The following IL1RAPL2 variants were observed in gnomAD, a reference collection of about 807,000 sequenced individuals.
The protein encoded by IL1RAPL2 is X-linked interleukin-1 receptor accessory protein-like 2.
In IL1RAPL2, 3 loss-of-function variants were observed where a neutral mutation model predicts 44.1. The observed-to-expected ratio is 0.07, with a 90% confidence interval of 0.03 to 0.18. The LOEUF is 0.18. IL1RAPL2 is among the 10% of genes least tolerant of loss of function. The pLI is 1.00. For synonymous variants in IL1RAPL2, 181 were observed against 178.8 expected (o/e 1.01, Z -0.10); for missense variants, 391 against 496.4 (o/e 0.79, Z 2.02).
At chrX:104,721,112 A>G (rs1271572385) in intron 2 of IL1RAPL2, among the ~76,000 whole-genome samples, 1 of 111,547 alleles carries the variant, frequency 9.0e-6, no homozygotes, top group Non-Finnish European at 1.9e-5. Flanking sequence ...ACTGTGGGAG[A>G]CAGTGTGGCA....
At chrX:105,027,316 A>C (rs981142229) in intron 2 of IL1RAPL2, among the ~76,000 whole-genome samples, 1 of 111,566 alleles carries the variant, frequency 9.0e-6, no homozygotes, top group Non-Finnish European at 1.9e-5. Context: ...GCAAAAATGG[A>C]CAAATAGGAT....
At chrX:105,308,150 A>G (rs1173536002) in intron 5 of IL1RAPL2, among the ~76,000 whole-genome samples, 5 of 111,246 alleles carry the variant, frequency 4.5e-5, no homozygotes, top group African/African-American at 1.6e-4. Context: ...ACCACTGAAA[A>G]CATTCTAGTC....
chrX:104,663,726 A>G (rs915616073), intron 2 of IL1RAPL2, among the ~76,000 whole-genome samples: 1 of 105,723 alleles, frequency 9.5e-6, no homozygotes, highest in Admixed American at 1.1e-4. Context: ...TGGAAGTGAT[A>G]TAGGACAATG....
At chrX:104,949,440 TTA>T (rs1326785575) in intron 2 of IL1RAPL2, among the ~76,000 whole-genome samples, 1 of 108,044 alleles carries the variant, frequency 9.3e-6, no homozygotes, top group Non-Finnish European at 1.9e-5. Flanking sequence ...CTGATTTTAG[TTA>T]TTTCTTGCCT....
chrX:104,711,396 G>A lies in IL1RAPL2; in HGVS notation c.82+52401G>A, dbSNP rs1039270128. ...ACAGGGGTTGGGAAGAAGCAGTTCA[G>A]TATCATTTAATAAGGGGGAGAAACC... is the stretch of plus-strand genomic sequence containing the variant. On this transcript the variant is annotated intron_variant, in intron 2 of 10. Coordinates refer to ENST00000372582, the MANE Select transcript of IL1RAPL2 (RefSeq NM_017416.2). Among the ~76,000 whole-genome samples, 19 of 111,015 alleles carry A rather than the reference G, an allele frequency of 1.7e-4. No homozygotes were observed. The East Asian group carries it at 1.7e-3, about 10-fold the overall frequency.
chrX:104,950,618 G>A (rs1414941459), intron 2 of IL1RAPL2, among the ~76,000 whole-genome samples: 3 of 112,879 alleles, frequency 2.7e-5, no homozygotes, highest in African/African-American at 9.6e-5. Context: ...CTAGCAATGA[G>A]CGATACTCCG....
At chrX:105,073,379 A>AT (rs900617274) in intron 2 of IL1RAPL2, among the ~76,000 whole-genome samples, 1 of 103,304 alleles carries the variant, frequency 9.7e-6, no homozygotes, top group Non-Finnish European at 2.0e-5. Flanking sequence ...TGAACTCATC[A>AT]TTTTTTATGG....
intron 2 of IL1RAPL2, among the ~76,000 whole-genome samples, chrX:104,788,479 T>G (rs1159094487): frequency 8.9e-6 from 1 of 112,231 alleles, no homozygotes; most frequent in Non-Finnish European, 1.9e-5. Flanking sequence ...CAGCGTCAAT[T>G]ATATGCAAAG....
intron 5 of IL1RAPL2, among the ~76,000 whole-genome samples, chrX:105,414,676 T>C (rs2035720457): frequency 9.0e-6 from 1 of 111,517 alleles, no homozygotes; most frequent in South Asian, 3.8e-4. Flanking sequence ...AAAGCTCTCA[T>C]CCTTCCCTCT....
intron 2 of IL1RAPL2, among the ~76,000 whole-genome samples, chrX:104,915,726 A>C (rs1924401700): frequency 8.9e-6 from 1 of 111,760 alleles, no homozygotes. Flanking sequence ...TGTTTAATCC[A>C]TCTTGAGTTA....
chrX:104,907,314 T>G (rs757579342), intron 2 of IL1RAPL2, among the ~76,000 whole-genome samples: 7 of 111,612 alleles, frequency 6.3e-5, no homozygotes, highest in Admixed American at 2.9e-4. Context: ...CAGTTCTGCT[T>G]TGATTTCAGT....
At chrX:105,690,025 A>G (rs2038022043) in intron 6 of IL1RAPL2, among the ~76,000 whole-genome samples, 2 of 110,799 alleles carry the variant, frequency 1.8e-5, no homozygotes, top group Non-Finnish European at 3.8e-5. Context: ...CAATGAGATC[A>G]CTTGGACACG....
intron 2 of IL1RAPL2, among the ~76,000 whole-genome samples, chrX:105,174,492 C>T (rs1397448390): frequency 9.0e-6 from 1 of 111,649 alleles, no homozygotes; most frequent in Non-Finnish European, 1.9e-5. Flanking sequence ...GATGGTACCA[C>T]AGCTGGAGAG....
intron 5 of IL1RAPL2, among the ~76,000 whole-genome samples, chrX:105,297,831 G>T (rs963826817): frequency 1.9e-4 from 21 of 111,293 alleles, no homozygotes; most frequent in African/African-American, 6.8e-4. Flanking sequence ...GATCGCTCTG[G>T]CTGTTGTGTA....
chrX:104,635,665 A>C (rs1162624410), intron 1 of IL1RAPL2, among the ~76,000 whole-genome samples: 1 of 111,730 alleles, frequency 9.0e-6, no homozygotes, highest in Non-Finnish European at 1.9e-5. Context: ...TTTGTCATGT[A>C]GTTCTCGTTC....
At chrX:105,514,218 A>G (rs1402906103) in intron 6 of IL1RAPL2, among the ~76,000 whole-genome samples, 1 of 111,648 alleles carries the variant, frequency 9.0e-6, no homozygotes, top group Non-Finnish European at 1.9e-5. Flanking sequence ...CTAGATTACA[A>G]CCTGAAAAGC....
intron 6 of IL1RAPL2, among the ~76,000 whole-genome samples, chrX:105,607,635 C>CAAA (rs11377516): frequency 2.2e-3 from 35 of 15,721 alleles, no homozygotes; most frequent in African/African-American, 4.7e-3. Flanking sequence ...ATTCAGCAGA[C>CAAA]AAAAAAAAAA....
At chrX:104,748,334 T>C (rs1318471376) in intron 2 of IL1RAPL2, among the ~76,000 whole-genome samples, 1 of 111,903 alleles carries the variant, frequency 8.9e-6, no homozygotes, top group Non-Finnish European at 1.9e-5. Context: ...CTGTTCCAAA[T>C]ACATTTCTTG....
chrX:105,146,527 T>A (rs761241036), intron 2 of IL1RAPL2, among the ~76,000 whole-genome samples: 16 of 111,815 alleles, frequency 1.4e-4, no homozygotes, highest in Non-Finnish European at 2.8e-4. Context: ...GGCTTTCTAG[T>A]AACTTAATTT....
Sources: allele counts gnomAD v4.1 joint callset (sites outside exome capture counted in the v4.1 genomes callset), GRCh38; gene constraint gnomAD v4.1.1; transcripts MANE v1.5; gene names NCBI Gene and HGNC (gene_info 2026-07-23, HGNC 2026-07-21).